RGS7: variants seen among roughly 807,000 people sequenced by gnomAD.
RGS7 encodes the protein regulator of G-protein signaling 7.
Under a neutral mutation model 81.1 loss-of-function variants are expected in RGS7, and 27 were observed. The observed-to-expected ratio is 0.33, with a 90% confidence interval of 0.25 to 0.46. The LOEUF (loss-of-function observed/expected upper bound fraction) is 0.46. RGS7 is among the 20% of genes least tolerant of loss of function. The pLI, the probability that RGS7 is intolerant of heterozygous loss-of-function variation, is 1.00. For synonymous variants in RGS7, 208 were observed against 207.7 expected (o/e 1.00, Z -0.01); for missense variants, 396 against 607.4 (o/e 0.65, Z 3.66).
intron 2 of RGS7, among the ~76,000 whole-genome samples, chr1:241,303,365 T>G (rs2079889716): frequency 6.6e-6 from 1 of 152,184 alleles, no homozygotes; most frequent in South Asian, 2.1e-4. Flanking sequence ...TCGGCCATGA[T>G]TGTAAGTTTC....
chr1:241,171,863 A>T (rs1316716249), intron 2 of RGS7, among the ~76,000 whole-genome samples: 1 of 152,224 alleles, frequency 6.6e-6, no homozygotes, highest in Non-Finnish European at 1.5e-5. Flanking sequence ...AAAACAAAAA[A>T]ATCAAATCAG....
intron 4 of RGS7, among the ~76,000 whole-genome samples, chr1:240,981,022 G>A (rs1376727267): frequency 6.6e-6 from 1 of 152,080 alleles, no homozygotes; most frequent in African/African-American, 2.4e-5. Context: ...TATAAACAAT[G>A]ATTGTTTCTT....
chr1:241,045,769 C>T (rs1219047970), intron 3 of RGS7, among the ~76,000 whole-genome samples: 1 of 152,132 alleles, frequency 6.6e-6, no homozygotes, highest in African/African-American at 2.4e-5. Flanking sequence ...TTTTCCTGTA[C>T]CTTGCTTGAA....
chr1:241,107,625 C>T (rs1326422842), intron 2 of RGS7, among the ~76,000 whole-genome samples: 1 of 152,204 alleles, frequency 6.6e-6, no homozygotes, highest in Non-Finnish European at 1.5e-5. Context: ...CTTACCTCCA[C>T]ACTTGGATGC....
chr1:240,875,551 A>T (rs1665260570), intron 6 of RGS7, among the ~76,000 whole-genome samples: 1 of 152,094 alleles, frequency 6.6e-6, no homozygotes, highest in Non-Finnish European at 1.5e-5. Context: ...AGATCCCCAG[A>T]ATTGGAATTG....
intron 9 of RGS7, among the ~76,000 whole-genome samples, chr1:240,829,876 G>T (rs1245683736): frequency 1.3e-5 from 2 of 152,088 alleles, no homozygotes; most frequent in Non-Finnish European, 2.9e-5. Flanking sequence ...ATATGTTAAG[G>T]GGTGGGAAAA....
chr1:241,087,841 C>T (rs1165475293), intron 3 of RGS7, among the ~76,000 whole-genome samples: 1 of 151,570 alleles, frequency 6.6e-6, no homozygotes, highest in Non-Finnish European at 1.5e-5. Context: ...CCCAGCTACT[C>T]GGGAGGCTGA....
chr1:241,356,883 C>G lies in RGS7; in HGVS notation c.-51+16G>C, dbSNP rs1273261875. 2 of 151,472 alleles carry G rather than the reference C, an allele frequency of 1.3e-5. No individual in the cohort carries two copies. The highest frequency in any genetic ancestry group is 2.4e-5 in the African/African-American group (1 of 41,336). The allele number at this position is 151,472 out of a possible 1,614,324, so 9.4% of individuals were successfully genotyped here. ...TGGGTGGCGCTGCCTCCTCCCCGCCCGCCTTCCCTATTTACCTCCTCCGCC... is the reference window on the plus strand; with the variant it reads ...TGGGTGGCGCTGCCTCCTCCCCGCCGGCCTTCCCTATTTACCTCCTCCGCC... On this transcript the variant is annotated intron_variant, in intron 1 of 18. Transcript: ENST00000440928.
chr1:241,305,141 A>G (rs776228135), intron 2 of RGS7, among the ~76,000 whole-genome samples: 25 of 152,186 alleles, frequency 1.6e-4, no homozygotes, highest in Non-Finnish European at 2.8e-4. Context: ...AACTGCTTTC[A>G]CTGGCTAATT....
chr1:240,971,391 A>G (rs1683186979), intron 4 of RGS7, among the ~76,000 whole-genome samples: 1 of 152,238 alleles, frequency 6.6e-6, no homozygotes, highest in African/African-American at 2.4e-5. Flanking sequence ...AGGCAAAAAT[A>G]AATTCCTCCC....
At chr1:241,346,182 A>C (rs777486120) in intron 2 of RGS7, among the ~76,000 whole-genome samples, 1 of 152,138 alleles carries the variant, frequency 6.6e-6, no homozygotes, top group Non-Finnish European at 1.5e-5. Flanking sequence ...ATAGAGGTTA[A>C]CATAGTATTT....
chr1:241,038,584 CA>C (rs1335838738), intron 3 of RGS7, among the ~76,000 whole-genome samples: 1 of 152,164 alleles, frequency 6.6e-6, no homozygotes, highest in African/African-American at 2.4e-5. Flanking sequence ...GTTCTTGAGA[CA>C]ATTATGCTGT....
At chr1:240,889,807 A>G (rs549927692) in intron 6 of RGS7, among the ~76,000 whole-genome samples, 2 of 152,142 alleles carry the variant, frequency 1.3e-5, no homozygotes, top group East Asian at 1.9e-4. Context: ...CCAGCACAGA[A>G]CATCCCTGAG....
chr1:241,325,998 C>T (rs2081472769), intron 2 of RGS7, among the ~76,000 whole-genome samples: 2 of 152,000 alleles, frequency 1.3e-5, no homozygotes, highest in African/African-American at 4.8e-5. Context: ...ACAGAGTGAT[C>T]GGATCTACTG....
intron 6 of RGS7, among the ~76,000 whole-genome samples, chr1:240,908,549 C>T (rs1387702087): frequency 1.3e-5 from 2 of 152,068 alleles, no homozygotes; most frequent in Non-Finnish European, 2.9e-5. Context: ...AGGGGAGTTG[C>T]TCTTACACTG....
intron 2 of RGS7, among the ~76,000 whole-genome samples, chr1:241,153,623 GTGTT>G: frequency 6.6e-6 from 1 of 152,388 alleles, no homozygotes; most frequent in South Asian, 2.1e-4. Flanking sequence ...ACCTCTTTGG[GTGTT>G]CAGCATTGGA....
chr1:240,896,315 T>G (rs531733209), intron 6 of RGS7, among the ~76,000 whole-genome samples: 2 of 152,202 alleles, frequency 1.3e-5, no homozygotes, highest in African/African-American at 4.8e-5. Flanking sequence ...ATTTTGTCTT[T>G]TGTTGCCATT....
intron 3 of RGS7, among the ~76,000 whole-genome samples, chr1:241,069,348 A>G (rs886140136): frequency 6.6e-6 from 1 of 152,194 alleles, no homozygotes; most frequent in Non-Finnish European, 1.5e-5. Flanking sequence ...ATTTAAAAGC[A>G]TTTTACCACC....
At chr1:240,870,299 T>A (rs1454758700) in intron 6 of RGS7, among the ~76,000 whole-genome samples, 180 bp from the exon 7 acceptor site, 1 of 152,184 alleles carries the variant, frequency 6.6e-6, no homozygotes, top group Non-Finnish European at 1.5e-5. Context: ...CATCATAGTA[T>A]TTATGATACC....
Sources: allele counts gnomAD v4.1 joint callset (sites outside exome capture counted in the v4.1 genomes callset), GRCh38; gene constraint gnomAD v4.1.1; transcripts MANE v1.5; gene names NCBI Gene and HGNC (gene_info 2026-07-23, HGNC 2026-07-21).